The following TCN1 variants were observed in gnomAD, a reference collection of about 807,000 sequenced individuals.
TCN1 encodes the protein transcobalamin 1, also known as transcobalamin-1.
TCN1 carries 47 observed loss-of-function variants against 46.3 expected under a neutral mutation model. That is an observed-to-expected ratio of 1.01 (90% CI 0.80 to 1.29). TCN1 has a LOEUF of 1.29. Ranked by LOEUF, TCN1 falls within the 50% of genes most tolerant of loss-of-function variation. TCN1 has a pLI of 0.00. For missense variants in TCN1, 532 were observed against 511.0 expected (o/e 1.04, Z -0.40); for synonymous variants, 183 against 192.5 (o/e 0.95, Z 0.41).
In TCN1 at chr11:59,856,007, G is replaced by A; in HGVS notation, c.799C>T (p.Gln267Ter). 1 of 1,427,990 alleles carries A rather than the reference G, an allele frequency of 7.0e-7. No homozygotes were observed. Among genetic ancestry groups the A allele is most frequent in the Non-Finnish European group, 9.4e-7 (1 of 1,066,788 alleles). The allele number at this position is 1,427,990 out of a possible 1,614,324, so 88.5% of individuals were successfully genotyped here. A position where few individuals can be genotyped will look rare whatever the true frequency, so the allele number is the denominator to read the frequency against. The change falls in exon 6 of 9, where the codon CAA becomes TAA. Residue 267 changes from glutamine to a stop codon, truncating the protein, a stop_gained. Coordinates refer to ENST00000257264, the MANE Select transcript of TCN1 (RefSeq NM_001062.4). LOFTEE classifies it high-confidence loss of function. Reference sequence around the variant, plus strand: ...TCCGTGAGCACTGTATTCAGAGTTTGTTGGCAATTCCAGTCATTTTCATTA... The same window carrying A: ...TCCGTGAGCACTGTATTCAGAGTTTATTGGCAATTCCAGTCATTTTCATTA... ...YYNENDWNCQ[Q>*]TLNTVLTEIS...
intron 5 of TCN1, among the ~76,000 whole-genome samples, chr11:59,857,856 A>G (rs1287558573): frequency 6.6e-6 from 1 of 152,142 alleles, no homozygotes; most frequent in Non-Finnish European, 1.5e-5. Context: ...GTTTTGTGAG[A>G]TTAGTTAGAT....
rs1042613 is a variant in TCN1 at position 59,855,960 on chromosome 11, G to A, written c.846C>T (p.Ser282=). The change falls in exon 6 of 9, where the codon AGC becomes AGT. Residue 282 remains serine, a synonymous_variant. Coordinates refer to ENST00000257264, the MANE Select transcript of TCN1 (RefSeq NM_001062.4). ...VLTEISQGAF[S]NPNAAAQVLP... ...AGACCTGGGCTGCAGCGTTTGGATT[G>A]CTGAATGCTCCTTGAGAAATTTCCG... is the stretch of plus-strand genomic sequence containing the variant. 0.24 allele frequency: 386,104 copies of A among 1,613,242 alleles called. 49,708 individuals carry two copies. Among genetic ancestry groups the A allele is most frequent in the African/African-American group, 0.48 (35,716 of 74,746 alleles).
At position 59,854,050 on chromosome 11, in the gene TCN1, T is replaced by C. The variant is rs562407551; in HGVS notation, c.1121+602A>G. Among the ~76,000 whole-genome samples, 3 of 151,388 alleles carry C rather than the reference T, an allele frequency of 2.0e-5. No homozygotes were observed. The South Asian group carries it at 6.2e-4, about 31-fold the overall frequency. On this transcript the variant is annotated intron_variant, in intron 7 of 8. Coordinates refer to ENST00000257264, the MANE Select transcript of TCN1 (RefSeq NM_001062.4). ...ACTTTAGTTTGGGGATCTATGAGTT[T>C]TCTGAAAGCGAGGGCAGGGAGAAGC... is the stretch of plus-strand genomic sequence containing the variant.
chr11:59,864,781 CTATT>C (rs1853054857), intron 1 of TCN1, among the ~76,000 whole-genome samples: 1 of 152,164 alleles, frequency 6.6e-6, no homozygotes, highest in African/African-American at 2.4e-5. Flanking sequence ...AAAAGATTTA[CTATT>C]TATTTAAACA....
rs1866687986 is a variant in TCN1 at position 59,853,313 on chromosome 11, A to G, written c.1130T>C (p.Met377Thr). 1 of 1,613,858 alleles carries G rather than the reference A, an allele frequency of 6.2e-7. No homozygotes were observed. ...KMNDTIFGFT[M>T]EERSWGPYIT... Reference sequence around the variant, plus strand: ...ATAGGGCCCCCATGAGCGCTCCTCCATTGTGAAACTGTGGGTGACAGCAAG... The same window carrying G: ...ATAGGGCCCCCATGAGCGCTCCTCCGTTGTGAAACTGTGGGTGACAGCAAG... The change falls in exon 8 of 9, where the codon ATG (methionine) becomes ACG (threonine). Residue 377 changes from methionine to threonine, a missense_variant. Met to Thr is a moderately conservative substitution (Grantham distance 81). Coordinates refer to ENST00000257264, the MANE Select transcript of TCN1 (RefSeq NM_001062.4).
At position 59,862,741 on chromosome 11, in the gene TCN1, A is replaced by T; in HGVS notation, c.260-19T>A. The T allele has an allele frequency of 6.2e-7, 1 of 1,612,616 alleles. No homozygotes were observed. Among genetic ancestry groups the T allele is most frequent in the Non-Finnish European group, 8.5e-7 (1 of 1,179,520 alleles). On this transcript the variant is annotated intron_variant, in intron 2 of 8. Coordinates refer to ENST00000257264, the MANE Select transcript of TCN1 (RefSeq NM_001062.4). Reference sequence around the variant, plus strand: ...TCTGACACTGAAAAGAAAAGTATTCAAGCTTAATAAGGTACAGGCTTGTGA... The same window carrying T: ...TCTGACACTGAAAAGAAAAGTATTCTAGCTTAATAAGGTACAGGCTTGTGA...
At chr11:59,857,708 G>A (rs1351397273) in intron 5 of TCN1, among the ~76,000 whole-genome samples, 2 of 151,488 alleles carry the variant, frequency 1.3e-5, no homozygotes, top group Non-Finnish European at 2.9e-5. Context: ...CATCCCCTTA[G>A]AGTTTGTAAA....
rs573809330 is a variant in TCN1 at position 59,853,469 on chromosome 11, T to C, written c.1122-148A>G. The C allele has an allele frequency of 2.1e-4, 165 of 790,758 alleles. 1 individual carries two copies. In the African/African-American group the frequency reaches 2.6e-3, roughly 13 times the overall value. The allele number at this position is 790,758 out of a possible 1,614,324, so 49.0% of individuals were successfully genotyped here. A position where few individuals can be genotyped will look rare whatever the true frequency, so the allele number is the denominator to read the frequency against. ...CTGGCCCTATCCATAGATATTTTTA[T>C]TTTTAGATATGAGCTGGGGATCAGG... On this transcript the variant is annotated intron_variant, in intron 7 of 8. Coordinates refer to ENST00000257264, the MANE Select transcript of TCN1 (RefSeq NM_001062.4).
At chr11:59,853,638 A>G (rs1308000656) in intron 7 of TCN1, among the ~76,000 whole-genome samples, 1 of 152,104 alleles carries the variant, frequency 6.6e-6, no homozygotes, top group Non-Finnish European at 1.5e-5. Context: ...TCAACCTTCC[A>G]CCCCAAGATA....
At chr11:59,853,135 C>T (rs1019143326) in intron 8 of TCN1, 68 bp downstream of exon 8, 2 of 1,598,498 alleles carry the variant, frequency 1.3e-6, no homozygotes, top group South Asian at 1.1e-5. Context: ...CCAATCCCCA[C>T]AGAGGCTCAC....
intron 5 of TCN1, among the ~76,000 whole-genome samples, chr11:59,857,046 T>G (rs1033588986): frequency 6.6e-6 from 1 of 152,130 alleles, no homozygotes; most frequent in Non-Finnish European, 1.5e-5. Flanking sequence ...GTTCTTAAGC[T>G]AACCAAGTTG....
rs11822978 is a variant in TCN1, at chr11:59,859,423, C to T, written c.557-156G>A. Among the ~76,000 whole-genome samples, 1,437 of 152,288 alleles carry T rather than the reference C, an allele frequency of 9.4e-3. 21 individuals carry two copies. The highest frequency in any genetic ancestry group is 0.033 in the African/African-American group (1,388 of 41,556). On this transcript the variant is annotated intron_variant, in intron 4 of 8. Transcript: ENST00000257264. ...CATGCTAATTGGTGAAGAAAGATTT[C>T]AAGATACAGCAATCATCTCTCCAGC... is the stretch of plus-strand genomic sequence containing the variant.
At chr11:59,860,156 C>T (rs1055753377) in intron 4 of TCN1, among the ~76,000 whole-genome samples, 6 of 152,014 alleles carry the variant, frequency 3.9e-5, no homozygotes, top group East Asian at 1.9e-4. Flanking sequence ...TTTTTTGAGA[C>T]GGAGTCTCGC....
Position 59,866,300 on chromosome 11 carries a change from A to T in TCN1, c.79+92T>A, listed in dbSNP as rs911726518. On this transcript the variant is annotated intron_variant, in intron 1 of 8. Coordinates refer to ENST00000257264, the MANE Select transcript of TCN1 (RefSeq NM_001062.4). Reference sequence around the variant, plus strand: ...CAACCACATACGAAACTGGAATGGGATCTTTTCTCAGGTAACTCTACATAG... The same window carrying T: ...CAACCACATACGAAACTGGAATGGGTTCTTTTCTCAGGTAACTCTACATAG... 6 of 1,325,988 alleles carry T rather than the reference A, an allele frequency of 4.5e-6. No homozygotes were observed. In the East Asian group the frequency reaches 1.4e-4, roughly 31 times the overall value. The allele number at this position is 1,325,988 out of a possible 1,614,324, so 82.1% of individuals were successfully genotyped here.
rs371040268 is a variant in TCN1, at chr11:59,863,957, G to A, written c.209C>T (p.Thr70Ile). The A allele has an allele frequency of 6.2e-7, 1 of 1,613,912 alleles. No homozygotes were observed. The highest frequency in any genetic ancestry group is 1.7e-4 in the Middle Eastern group (1 of 6,058). The change falls in exon 2 of 9, where the codon ACC (threonine) becomes ATC (isoleucine). Residue 70 changes from threonine to isoleucine, a missense_variant. By Grantham distance (89) the Thr-to-Ile change is moderately conservative. Transcript: ENST00000257264. ...SLKLVGIQIQ[T>I]LMQKMIQQIK... ...TTGTTGGATCATCTTTTGCATCAGGGTTTGGATCTGGATTCCAACAAGTTT... is the reference window on the plus strand; with the variant it reads ...TTGTTGGATCATCTTTTGCATCAGGATTTGGATCTGGATTCCAACAAGTTT...
At chr11:59,857,583 G>A (rs957719180) in intron 5 of TCN1, among the ~76,000 whole-genome samples, 4 of 151,720 alleles carry the variant, frequency 2.6e-5, no homozygotes, top group East Asian at 1.9e-4. Flanking sequence ...CCTCACTGTC[G>A]TCTCTCCCTT....
At chr11:59,862,788 CT>C (rs1208896376) in intron 2 of TCN1, 66 bp from the exon 3 acceptor site, 15 of 1,583,592 alleles carry the variant, frequency 9.5e-6, no homozygotes, top group African/African-American at 1.3e-5. Context: ...TCCTGATTTC[CT>C]TGAGACTTAT....
chr11:59,861,540 G>A lies in TCN1; in HGVS notation c.543C>T (p.Ser181=). Residue 181 remains serine (S), a synonymous_variant, in exon 4 of 9, where the codon AGC becomes AGT. Transcript: ENST00000257264. ...TPENKNYYFG[S]QFSVDTGAMA... ...TTAGTAACTCACCTACTGAGAACTG[G>A]CTACCAAAATAATAGTTTTTATTTT... 1.2e-6 allele frequency: 2 copies of A among 1,614,046 alleles called. No homozygotes were observed. Among genetic ancestry groups the A allele is most frequent in the Non-Finnish European group, 1.7e-6 (2 of 1,179,938 alleles).
intron 5 of TCN1, among the ~76,000 whole-genome samples, chr11:59,857,911 G>C (rs1852964139): frequency 6.6e-6 from 1 of 152,182 alleles, no homozygotes. Flanking sequence ...TTAGGAAATG[G>C]AGGTGATGGG....
Sources: gnomAD v4.1 joint callset for allele counts (sites outside exome capture counted in the v4.1 genomes callset) on GRCh38, gnomAD v4.1.1 for gene constraint, MANE v1.5 for transcripts, NCBI Gene and HGNC (gene_info 2026-07-23, HGNC 2026-07-21) for gene names.